The following SFMBT2 variants were observed in gnomAD, a reference collection of about 807,000 sequenced individuals.
The protein encoded by SFMBT2 is scm-like with four MBT domains protein 2.
Under a neutral mutation model 110.1 loss-of-function variants are expected in SFMBT2, and 38 were observed. That is an observed-to-expected ratio of 0.35 (90% confidence interval 0.27 to 0.45). The LOEUF (loss-of-function observed/expected upper bound fraction) is 0.45, where lower values mean the gene tolerates loss of function less well. SFMBT2 is among the 20% of genes least tolerant of loss of function. The pLI is 1.00. For synonymous variants in SFMBT2, 425 were observed against 425.4 expected, an observed-to-expected ratio of 1.00 and a Z score of 0.01; for missense variants, 1,011 against 1,094.9, an observed-to-expected ratio of 0.92 and a Z score of 1.08.
chr10:7,284,015 C>G lies in SFMBT2; in HGVS notation c.661G>C (p.Val221Leu). Residue 221 changes from valine (V) to leucine (L), a missense_variant, in exon 6 of 21, where the codon GTG (valine) becomes CTG (leucine). Val to Leu is a conservative substitution (Grantham distance 32, BLOSUM62 1). This residue lies in a region of SFMBT2 where 979 missense variants were observed against 1,016.1 expected (regional missense o/e 0.96). Transcript: ENST00000397167. The part of the protein sequence containing the change: ...NVGGRLRLRY[V>L]GLEDTESYDQ... Reference sequence around the variant, plus strand: ...TAGGATTCAGTGTCCTCCAATCCCACATAGCGAAGGCGTAATCTTCCTCCA... The same window carrying G: ...TAGGATTCAGTGTCCTCCAATCCCAGATAGCGAAGGCGTAATCTTCCTCCA... The G allele has an allele frequency of 6.2e-7, 1 of 1,613,878 alleles. No homozygotes were observed. Among genetic ancestry groups the G allele is most frequent in the Non-Finnish European group, 8.5e-7 (1 of 1,179,738 alleles).
At chr10:7,344,692 C>T (rs945080631) in intron 4 of SFMBT2, among the ~76,000 whole-genome samples, 1 of 151,966 alleles carries the variant, frequency 6.6e-6, no homozygotes, top group Non-Finnish European at 1.5e-5. Context: ...ATGGGCCAGG[C>T]GCGGTGGCTC....
chr10:7,313,371 A>T (rs1842907383), intron 4 of SFMBT2, among the ~76,000 whole-genome samples: 1 of 152,182 alleles, frequency 6.6e-6, no homozygotes, highest in Non-Finnish European at 1.5e-5. Context: ...GGAGTGAAAT[A>T]AGATGGCACG....
In SFMBT2 at chr10:7,334,895, A is replaced by G. The variant is rs117120479; in HGVS notation, c.436+32754T>C. On this transcript the variant is annotated intron_variant, in intron 4 of 20. Coordinates refer to ENST00000397167, the MANE Select transcript of SFMBT2 (RefSeq NM_001387889.1). ...GAATAAAACCTAGAACCTGCCATCC[A>G]GGAGTTTACCAGGGAAATGATCACA... Among the ~76,000 whole-genome samples the G allele has an allele frequency of 7.2e-4, 110 of 152,340 alleles. 2 individuals are homozygous for G. The East Asian group carries it at 0.019, about 27-fold the overall frequency.
intron 4 of SFMBT2, among the ~76,000 whole-genome samples, chr10:7,312,565 C>T (rs144477800): frequency 3.2e-4 from 49 of 152,306 alleles, no homozygotes; most frequent in African/African-American, 1.2e-3. Flanking sequence ...CGGAGACAGC[C>T]TCATGTTTCA....
Position 7,381,823 on chromosome 10 carries a change from T to G in SFMBT2, c.76A>C (p.Asn26His). Residue 26 changes from asparagine to histidine, a missense_variant, in exon 2 of 21, where the codon AAT becomes CAT. Transcript: ENST00000397167. The part of the protein sequence containing the change: ...SPLEKCLGSA[N>H]GNGDLDSEEG... ...CCAGAATCAAGGTCTCCATTTCCAT[T>G]AGCTGAGCCGAGACACTTTTCCAAG... is the stretch of plus-strand genomic sequence containing the variant. 6.2e-7 allele frequency: 1 copy of G among 1,613,708 alleles called. No homozygotes were observed. The highest frequency in any genetic ancestry group is 8.5e-7 in the Non-Finnish European group (1 of 1,179,792).
At chr10:7,246,298 C>A in intron 8 of SFMBT2, 4 of 340,828 alleles carry the variant, frequency 1.2e-5, no homozygotes, top group Non-Finnish European at 1.7e-5. Context: ...CTGTGAAAAA[C>A]CAACTATCAC....
At chr10:7,276,140 C>T (rs1841767249) in intron 7 of SFMBT2, among the ~76,000 whole-genome samples, 1 of 152,138 alleles carries the variant, frequency 6.6e-6, no homozygotes, top group South Asian at 2.1e-4. Flanking sequence ...ACTTGGTAGC[C>T]GTTTTGGTGG....
At chr10:7,332,450 A>G (rs1843590204) in intron 4 of SFMBT2, among the ~76,000 whole-genome samples, 1 of 152,252 alleles carries the variant, frequency 6.6e-6, no homozygotes, top group African/African-American at 2.4e-5. Flanking sequence ...GTTTGCCTTA[A>G]CTGGGGAGGG....
At chr10:7,299,807 A>G (rs1305545252) in intron 4 of SFMBT2, among the ~76,000 whole-genome samples, 1 of 152,144 alleles carries the variant, frequency 6.6e-6, no homozygotes, top group Non-Finnish European at 1.5e-5. Context: ...AAATCATTCT[A>G]CTAAGGAATA....
rs77967170 is a variant in SFMBT2 at position 7,315,784 on chromosome 10, T to A, written c.437-29830A>T. Among the ~76,000 whole-genome samples, 7 of 152,358 alleles carry A rather than the reference T, an allele frequency of 4.6e-5. No individual in the cohort carries two copies. The East Asian group carries it at 9.6e-4, about 21-fold the overall frequency. On this transcript the variant is annotated intron_variant, in intron 4 of 20. Coordinates refer to ENST00000397167, the MANE Select transcript of SFMBT2 (RefSeq NM_001387889.1). ...TAAGAGCTGTATGACCTTCAGCAAG[T>A]TACTTTTCCTCTCTGATCCTCGGTT...
intron 13 of SFMBT2, among the ~76,000 whole-genome samples, chr10:7,201,856 A>G (rs1391965588): frequency 5.9e-5 from 9 of 152,254 alleles, no homozygotes; most frequent in Non-Finnish European, 1.3e-4. Flanking sequence ...GTTTCCACAG[A>G]AAATCACGAC....
rs1837481409 is a variant in SFMBT2, at chr10:7,158,942, T to G, written c.*4828A>C. On this transcript the variant is annotated 3_prime_UTR_variant, in exon 21 of 21. Coordinates refer to ENST00000397167, the MANE Select transcript of SFMBT2 (RefSeq NM_001387889.1). ...AGCTTTCAACAATCACGACGAGGGA[T>G]AGTTGATGCTTCCAGAGATCATGCT... 1 of 152,186 alleles carries G rather than the reference T, an allele frequency of 6.6e-6. No homozygotes were observed. Among genetic ancestry groups the G allele is most frequent in the Non-Finnish European group, 1.5e-5 (1 of 68,036 alleles). The allele number at this position is 152,186 out of a possible 1,614,324, so 9.4% of individuals were successfully genotyped here.
intron 1 of SFMBT2, 37 bp from the exon 2 acceptor site, chr10:7,381,986 T>A: frequency 7.8e-7 from 1 of 1,279,168 alleles, no homozygotes; most frequent in Non-Finnish European, 1.1e-6. Context: ...CAGAGCAGTT[T>A]AATCATATTG....
At position 7,195,915 on chromosome 10, in the gene SFMBT2, T is replaced by C. The variant is rs140631518; in HGVS notation, c.1698+1633A>G. Among the ~76,000 whole-genome samples the C allele has an allele frequency of 2.2e-3, 340 of 152,250 alleles. 2 individuals are homozygous for C. Among genetic ancestry groups the C allele is most frequent in the African/African-American group, 7.3e-3 (304 of 41,538 alleles). ...GCTCCCAAATAAATGACCACAACAA[T>C]AGCCTTATCGATTTCTGACAGGTTT... On this transcript the variant is annotated intron_variant, in intron 15 of 20. Transcript: ENST00000397167.
chr10:7,355,614 C>T (rs866800076), intron 4 of SFMBT2, among the ~76,000 whole-genome samples: 2 of 152,274 alleles, frequency 1.3e-5, no homozygotes, highest in Middle Eastern at 3.4e-3. Flanking sequence ...AGTTCAAGAC[C>T]AGCCTGGCTA....
At chr10:7,211,785 T>G (rs1839358024) in intron 11 of SFMBT2, among the ~76,000 whole-genome samples, 1 of 152,188 alleles carries the variant, frequency 6.6e-6, no homozygotes, top group Non-Finnish European at 1.5e-5. Flanking sequence ...TTGTTTCAAT[T>G]TTGCAAGTAT....
At position 7,164,361 on chromosome 10, in the gene SFMBT2, G is replaced by T. The variant is rs377068698; in HGVS notation, c.2545-451C>A. The T allele has an allele frequency of 5.6e-5, 52 of 930,664 alleles. 1 individual carries two copies. The East Asian group carries it at 8.2e-4, about 15-fold the overall frequency. The allele number at this position is 930,664 out of a possible 1,614,324, so 57.7% of individuals were successfully genotyped here. ...TGATCATACCACTGCCCTCCAGCCT[G>T]GGCAACACAGCAGGAGACTCTCTAA... On this transcript the variant is annotated intron_variant, in intron 20 of 20. Coordinates refer to ENST00000397167, the MANE Select transcript of SFMBT2 (RefSeq NM_001387889.1).
At chr10:7,335,024 G>A (rs537538728) in intron 4 of SFMBT2, among the ~76,000 whole-genome samples, 24 of 152,324 alleles carry the variant, frequency 1.6e-4, no homozygotes, top group African/African-American at 4.8e-4. Context: ...AAAAGAAGCC[G>A]GAGGGGGGAA....
chr10:7,393,011 A>ATC (rs1845818650), intron 1 of SFMBT2, among the ~76,000 whole-genome samples: 1 of 89,608 alleles, frequency 1.1e-5, no homozygotes, highest in Admixed American at 1.1e-4. Context: ...ATATATATAT[A>ATC]TATATATATA....
Sources: allele counts gnomAD v4.1 joint callset (sites outside exome capture counted in the v4.1 genomes callset), GRCh38; gene constraint gnomAD v4.1.1; regional missense constraint gnomAD v4.1.1; transcripts MANE v1.5; gene names NCBI Gene and HGNC (gene_info 2026-07-23, HGNC 2026-07-21).